Variants in EXOC6B observed in about 807,000 individuals in gnomAD.
The protein encoded by EXOC6B is SEC15 homolog B.
EXOC6B carries 54 observed loss-of-function variants against 113.5 expected under a neutral mutation model. The observed-to-expected ratio is 0.48, with a 90% CI of 0.38 to 0.60. The LOEUF (loss-of-function observed/expected upper bound fraction) is 0.60. EXOC6B is among the 20% of genes least tolerant of loss of function. The pLI is 0.00. For synonymous variants in EXOC6B, 357 were observed against 339.0 expected (o/e 1.05, Z -0.58); for missense variants, 797 against 977.5 (o/e 0.82, Z 2.46).
chr2:72,546,906 A>T (rs1256862550), intron 8 of EXOC6B, among the ~76,000 whole-genome samples: 2 of 152,234 alleles, frequency 1.3e-5, no homozygotes, highest in African/African-American at 4.8e-5. Context: ...GGAATTGGGG[A>T]AAGCCATTCT....
At chr2:72,755,845 C>T (rs1682379845) in intron 1 of EXOC6B, among the ~76,000 whole-genome samples, 3 of 151,948 alleles carry the variant, frequency 2.0e-5, no homozygotes, top group Admixed American at 2.0e-4. Context: ...TGACAGCAGT[C>T]CCTACGGGCT....
chr2:72,325,244 T>C (rs771231082), intron 20 of EXOC6B, among the ~76,000 whole-genome samples: 6 of 152,064 alleles, frequency 3.9e-5, no homozygotes, highest in Non-Finnish European at 8.8e-5. Context: ...ACCCTTAAAA[T>C]CAACAGACCA....
chr2:72,818,056 C>T (rs910064098), intron 1 of EXOC6B, among the ~76,000 whole-genome samples: 32 of 152,304 alleles, frequency 2.1e-4, no homozygotes, highest in African/African-American at 6.7e-4. Flanking sequence ...ACTGCAACCT[C>T]TACCTCCTGG....
At chr2:72,701,781 A>G (rs563065559) in intron 6 of EXOC6B, among the ~76,000 whole-genome samples, 17 of 152,314 alleles carry the variant, frequency 1.1e-4, no homozygotes, top group African/African-American at 4.1e-4. Context: ...GTGGTGTGCC[A>G]TAGCCAGAAC....
intron 1 of EXOC6B, among the ~76,000 whole-genome samples, chr2:72,747,660 A>G (rs1360022577): frequency 6.6e-6 from 1 of 152,074 alleles, no homozygotes; most frequent in Non-Finnish European, 1.5e-5. Flanking sequence ...GTAACAAGCA[A>G]ATCAAAGAAA....
Position 72,644,384 on chromosome 2 carries a change from T to C in EXOC6B, c.670-68716A>G, listed in dbSNP as rs1004781966. 2.8e-4 allele frequency among the ~76,000 whole-genome samples: 43 copies of C among 152,070 alleles called. 2 individuals are homozygous for C. The highest frequency in any genetic ancestry group is 2.4e-3 in the Admixed American group (36 of 15,262). ...TTGGAAAACACTCTGCAGGATATTA[T>C]CCAGGAGAACCTAGCAAGGCAGGCC... On this transcript the variant is annotated intron_variant, in intron 6 of 21. Transcript: ENST00000272427.
chr2:72,629,586 G>A (rs890843394), intron 6 of EXOC6B, among the ~76,000 whole-genome samples: 1 of 152,058 alleles, frequency 6.6e-6, no homozygotes, highest in African/African-American at 2.4e-5. Flanking sequence ...CAGCACAAAG[G>A]ACCCTACCAC....
intron 16 of EXOC6B, 27 bp from the exon 17 acceptor site, chr2:72,480,777 G>C (rs1456168389): frequency 6.3e-7 from 1 of 1,586,750 alleles, no homozygotes; most frequent in Non-Finnish European, 8.6e-7. Flanking sequence ...ACATGTAAAA[G>C]TCATTTAACT....
chr2:72,742,335 TA>T (rs1204565632), intron 1 of EXOC6B, among the ~76,000 whole-genome samples: 1 of 152,226 alleles, frequency 6.6e-6, no homozygotes, highest in Non-Finnish European at 1.5e-5. Context: ...TAATTGTTTT[TA>T]TTTTTTTAAT....
intron 6 of EXOC6B, among the ~76,000 whole-genome samples, chr2:72,657,577 T>TTC (rs1457983249): frequency 2.3e-5 from 3 of 132,304 alleles, no homozygotes; most frequent in Non-Finnish European, 4.8e-5. Flanking sequence ...CTTTTTTTTT[T>TTC]TTTTTTTTTT....
At chr2:72,359,955 C>G (rs571828219) in intron 19 of EXOC6B, among the ~76,000 whole-genome samples, 1 of 152,236 alleles carries the variant, frequency 6.6e-6, no homozygotes, top group Non-Finnish European at 1.5e-5. Context: ...TGCTGGCTCC[C>G]CCTTCTCTAT....
At chr2:72,609,319 T>C (rs1260263043) in intron 6 of EXOC6B, among the ~76,000 whole-genome samples, 1 of 151,940 alleles carries the variant, frequency 6.6e-6, no homozygotes, top group African/African-American at 2.4e-5. Context: ...TGTAAATGTG[T>C]AAAGAATGTA....
chr2:72,209,853 A>G (rs1680077072), intron 20 of EXOC6B, among the ~76,000 whole-genome samples: 2 of 152,192 alleles, frequency 1.3e-5, no homozygotes, highest in Admixed American at 6.5e-5. Flanking sequence ...ATTTGAATAC[A>G]CTCTTACTTA....
intron 20 of EXOC6B, among the ~76,000 whole-genome samples, chr2:72,294,106 A>C (rs1359051322): frequency 6.6e-6 from 1 of 152,038 alleles, no homozygotes; most frequent in Non-Finnish European, 1.5e-5. Context: ...GTAGAATTTC[A>C]ATAAACATTA....
At chr2:72,235,915 C>G (rs1283652080) in intron 20 of EXOC6B, among the ~76,000 whole-genome samples, 1 of 152,116 alleles carries the variant, frequency 6.6e-6, no homozygotes, top group East Asian at 1.9e-4. Flanking sequence ...TTTTGCCCCC[C>G]CTTCAAGGGC....
intron 18 of EXOC6B, among the ~76,000 whole-genome samples, chr2:72,412,072 A>G (rs939963263): frequency 2.0e-5 from 3 of 152,212 alleles, no homozygotes; most frequent in African/African-American, 4.8e-5. Context: ...TTAAAAATTA[A>G]TGAATGGCAT....
chr2:72,402,535 T>C (rs1693406322), intron 18 of EXOC6B, among the ~76,000 whole-genome samples: 2 of 152,230 alleles, frequency 1.3e-5, no homozygotes, highest in African/African-American at 4.8e-5. Flanking sequence ...GCTTGTCTAG[T>C]TGTAACAAAT....
At chr2:72,233,720 C>A (rs1169794182) in intron 20 of EXOC6B, among the ~76,000 whole-genome samples, 1 of 152,208 alleles carries the variant, frequency 6.6e-6, no homozygotes, top group African/African-American at 2.4e-5. Flanking sequence ...TTGTTCCACA[C>A]CCTCACTAAA....
intron 20 of EXOC6B, among the ~76,000 whole-genome samples, chr2:72,277,428 CTAT>C (rs1404047397): frequency 6.6e-6 from 1 of 151,886 alleles, no homozygotes; most frequent in Admixed American, 6.6e-5. Context: ...CTACTGGCTT[CTAT>C]GCAACACAGC....
Sources: allele counts gnomAD v4.1 joint callset (sites outside exome capture counted in the v4.1 genomes callset), GRCh38; gene constraint gnomAD v4.1.1; transcripts MANE v1.5; gene names NCBI Gene and HGNC (gene_info 2026-07-23, HGNC 2026-07-21).